The following XNDC1N variants were observed in gnomAD, a reference collection of about 807,000 sequenced individuals.
The protein encoded by XNDC1N is XRCC1 N-terminal domain containing 1, N-terminal like.
At chr11:71,922,233 TTTTC>T in the XNDC1N span, among the ~76,000 whole-genome samples, 2 of 152,208 alleles carry the variant, frequency 1.3e-5, no homozygotes, top group Non-Finnish European at 2.9e-5. Context: ...GTAATATTAA[TTTTC>T]TTTTTCTTAG....
At chr11:71,887,898 C>T in the XNDC1N span, among the ~76,000 whole-genome samples, 1 of 152,304 alleles carries the variant, frequency 6.6e-6, no homozygotes, top group South Asian at 2.1e-4. Flanking sequence ...ATCAGATTAG[C>T]CCCTGAGAGG....
the XNDC1N span, among the ~76,000 whole-genome samples, chr11:71,896,985 C>A: frequency 6.6e-6 from 1 of 152,148 alleles, no homozygotes; most frequent in Non-Finnish European, 1.5e-5. Context: ...GGTGGAACAG[C>A]AGCCTTTTCA....
At chr11:71,913,665 TAAAAAAAAA>T in the XNDC1N span, among the ~76,000 whole-genome samples, 2 of 105,346 alleles carry the variant, frequency 1.9e-5, no homozygotes, top group East Asian at 2.7e-4. Context: ...TCTCAAAAGA[TAAAAAAAAA>T]AAAAAAAAAA....
chr11:71,886,590 T>C, the XNDC1N span, among the ~76,000 whole-genome samples: 1 of 152,164 alleles, frequency 6.6e-6, no homozygotes, highest in African/African-American at 2.4e-5. Flanking sequence ...CGAGAGACTG[T>C]GGGAGGCCTA....
At chr11:71,910,949 C>A in the XNDC1N span, among the ~76,000 whole-genome samples, 1 of 152,210 alleles carries the variant, frequency 6.6e-6, no homozygotes, top group African/African-American at 2.4e-5. Context: ...CATCCCCAGC[C>A]CTGGGGCTAC....
chr11:71,868,729 A>G, the XNDC1N span, among the ~76,000 whole-genome samples: 1 of 152,008 alleles, frequency 6.6e-6, no homozygotes, highest in Non-Finnish European at 1.5e-5. Flanking sequence ...TTTCATGTCG[A>G]CCTTGGAGAA....
the XNDC1N span, chr11:71,914,508 G>A: frequency 2.6e-6 from 1 of 386,070 alleles, no homozygotes; most frequent in Non-Finnish European, 5.1e-6. Flanking sequence ...TCAACATGGT[G>A]AAACCCCATC....
the XNDC1N span, among the ~76,000 whole-genome samples, chr11:71,896,714 C>A: frequency 6.6e-6 from 1 of 152,336 alleles, no homozygotes; most frequent in African/African-American, 2.4e-5. Context: ...CAGGCATGCG[C>A]CAGCACGCCC....
At chr11:71,906,580 T>C in the XNDC1N span, among the ~76,000 whole-genome samples, 1 of 152,264 alleles carries the variant, frequency 6.6e-6, no homozygotes, top group African/African-American at 2.4e-5. Flanking sequence ...GTGAAATTAG[T>C]AGTGAACTCC....
chr11:71,912,604 G>C, the XNDC1N span, among the ~76,000 whole-genome samples: 1 of 152,152 alleles, frequency 6.6e-6, no homozygotes, highest in Non-Finnish European at 1.5e-5. Flanking sequence ...ACAAAAGGGT[G>C]AACAACCCCT....
chr11:71,890,752 G>C, the XNDC1N span, among the ~76,000 whole-genome samples: 2,213 of 140,426 alleles, frequency 0.016, no homozygotes, highest in African/African-American at 0.039. Flanking sequence ...ATATCGTAGG[G>C]GTGGGGGATG....
the XNDC1N span, among the ~76,000 whole-genome samples, chr11:71,879,041 T>A: frequency 6.6e-6 from 1 of 152,040 alleles, no homozygotes; most frequent in Admixed American, 6.5e-5. Flanking sequence ...TTGAGAGTTG[T>A]GTTTGATCAA....
At chr11:71,872,399 C>T in the XNDC1N span, among the ~76,000 whole-genome samples, 5 of 152,266 alleles carry the variant, frequency 3.3e-5, no homozygotes, top group Middle Eastern at 3.4e-3. Context: ...TGTGCTTATT[C>T]TCTTTCATAA....
the XNDC1N span, chr11:71,893,636 A>G: frequency 8.9e-6 from 10 of 1,126,828 alleles, no homozygotes; most frequent in Non-Finnish European, 1.2e-5. Flanking sequence ...TCCCCCCTCC[A>G]CACCCCCACG....
the XNDC1N span, among the ~76,000 whole-genome samples, chr11:71,902,731 T>C: frequency 6.6e-6 from 1 of 152,280 alleles, no homozygotes; most frequent in Admixed American, 6.5e-5. Flanking sequence ...ATACAGTGTT[T>C]ACAAATGTTC....
the XNDC1N span, among the ~76,000 whole-genome samples, chr11:71,924,787 A>G: frequency 1.3e-5 from 2 of 152,364 alleles, no homozygotes; most frequent in Admixed American, 6.5e-5. Context: ...ACATATTAGT[A>G]TAATGAACTT....
the XNDC1N span, among the ~76,000 whole-genome samples, chr11:71,908,758 C>T: frequency 6.6e-6 from 1 of 152,170 alleles, no homozygotes; most frequent in Admixed American, 6.5e-5. Flanking sequence ...GCTCATGTTG[C>T]TCTTTAACAG....
the XNDC1N span, among the ~76,000 whole-genome samples, chr11:71,866,953 A>G: frequency 2.0e-5 from 3 of 152,208 alleles, no homozygotes; most frequent in Non-Finnish European, 4.4e-5. Context: ...TCCAAGTAAA[A>G]TGGATTTTAC....
chr11:71,895,136 A>G, the XNDC1N span, among the ~76,000 whole-genome samples: 39 of 151,604 alleles, frequency 2.6e-4, no homozygotes, highest in Admixed American at 4.6e-4. Context: ...TTTCTTTTAA[A>G]GCACCAGAGG....
Sources: gnomAD v4.1 joint callset for allele counts (sites outside exome capture counted in the v4.1 genomes callset) on GRCh38, gnomAD v4.1.1 for gene constraint, MANE v1.5 for transcripts, NCBI Gene and HGNC (gene_info 2026-07-23, HGNC 2026-07-21) for gene names.